The following SCARA3 variants were observed in gnomAD, a reference collection of about 807,000 sequenced individuals.
The protein encoded by SCARA3 is scavenger receptor class A member 3.
SCARA3 carries 39 observed loss-of-function variants against 47.0 expected under a neutral mutation model. That is an observed-to-expected ratio of 0.83 (90% CI 0.64 to 1.08). The LOEUF (loss-of-function observed/expected upper bound fraction) is 1.08. Among genes scored for constraint, SCARA3 ranks in the 50% least tolerant of loss-of-function variants. The pLI, the probability that SCARA3 is intolerant of heterozygous loss-of-function variation, is 0.00. For missense variants in SCARA3, 724 were observed against 792.3 expected, an observed-to-expected ratio of 0.91 and a Z score of 1.04; for synonymous variants, 356 against 334.1, an observed-to-expected ratio of 1.07 and a Z score of -0.71.
chr8:27,703,110 C>G, the SCARA3 span: 1 of 152,384 alleles, frequency 6.6e-6, no homozygotes, highest in Non-Finnish European at 1.5e-5. Context: ...ACAGCCCTGG[C>G]CCAGGGTCCA....
chr8:27,663,374 G>A lies in SCARA3; in HGVS notation c.1369+3835G>A, dbSNP rs577683647. Among the ~76,000 whole-genome samples, 5 of 152,338 alleles carry A rather than the reference G, an allele frequency of 3.3e-5. No individual in the cohort carries two copies. The South Asian group carries it at 1.0e-3, about 32-fold the overall frequency. On this transcript the variant is annotated intron_variant, in intron 5 of 5. Coordinates refer to ENST00000301904, the MANE Select transcript of SCARA3 (RefSeq NM_016240.3). The stretch of plus-strand genomic sequence containing the variant: ...ACTCCCCATGAGGCCACAGGTGCAG[G>A]CTGGGAGAGAGAAGATAGGGTAGCA...
the SCARA3 span, among the ~76,000 whole-genome samples, chr8:27,708,618 G>T: frequency 1.1e-4 from 17 of 152,146 alleles, no homozygotes; most frequent in Non-Finnish European, 2.2e-4. Flanking sequence ...GAAAAAAATC[G>T]TCTTGGTGGT....
intron 3 of SCARA3, among the ~76,000 whole-genome samples, chr8:27,654,789 C>CAAAAAAAAAAAAAAAA: frequency 1.2e-5 from 1 of 86,122 alleles, no homozygotes; most frequent in Non-Finnish European, 2.4e-5. Context: ...GACTGTCTCA[C>CAAAAAAAAAAAAAAAA]AAAAAAAAAA....
chr8:27,678,379 A>G (rs1802309588), downstream of SCARA3, among the ~76,000 whole-genome samples: 3 of 152,218 alleles, frequency 2.0e-5, no homozygotes, highest in South Asian at 4.1e-4. Context: ...AAGGATAGTA[A>G]CAGAATATTA....
chr8:27,695,840 G>GA, the SCARA3 span, among the ~76,000 whole-genome samples: 3 of 151,642 alleles, frequency 2.0e-5, no homozygotes, highest in Non-Finnish European at 4.4e-5. Context: ...AAAGAATAAA[G>GA]AAAAAATACA....
chr8:27,655,258 C>T (rs1257328269), intron 3 of SCARA3, among the ~76,000 whole-genome samples: 1 of 152,014 alleles, frequency 6.6e-6, no homozygotes, highest in Non-Finnish European at 1.5e-5. Flanking sequence ...CAAAGTCACC[C>T]AACAAATGTG....
the SCARA3 span, among the ~76,000 whole-genome samples, chr8:27,711,465 T>C: frequency 8.1e-4 from 123 of 152,330 alleles, no homozygotes; most frequent in African/African-American, 2.8e-3. Flanking sequence ...TAGTCTTCCA[T>C]AGTTCCCTGG....
At chr8:27,647,096 G>T (rs1231799489) in intron 1 of SCARA3, among the ~76,000 whole-genome samples, 1 of 151,622 alleles carries the variant, frequency 6.6e-6, no homozygotes, top group Admixed American at 6.6e-5. Context: ...CTTGAGCCAG[G>T]CATTAACAAC....
Position 27,658,878 on chromosome 8 carries a change from G to A in SCARA3, c.708G>A (p.Gly236=). ...GGCAGACTTCCGAGTGGATCCACGG[G>A]ATCCAGCGGAAGACAGACGAGGAGA... is the stretch of plus-strand genomic sequence containing the variant. The part of the protein sequence containing the change: ...TVGQTSEWIH[G]IQRKTDEETL... The change falls in exon 5 of 6, where the codon GGG becomes GGA. Residue 236 remains glycine (G), a synonymous_variant. Transcript: ENST00000301904. 1.2e-6 allele frequency: 2 copies of A among 1,614,158 alleles called. No individual in the cohort carries two copies. Among genetic ancestry groups the A allele is most frequent in the Non-Finnish European group, 1.7e-6 (2 of 1,180,032 alleles).
chr8:27,685,885 C>T, the SCARA3 span, among the ~76,000 whole-genome samples: 7 of 152,176 alleles, frequency 4.6e-5, no homozygotes, highest in South Asian at 2.1e-4. Flanking sequence ...CCCAGTCAAA[C>T]CCAGTAAAAT....
rs1585300479 is a variant in SCARA3 at position 27,671,818 on chromosome 8, C to T, written c.*467C>T. ...ATCCATGCACACAAACACATATATACACATGCACATACACAGATTTTTCTG... is the reference window on the plus strand; with the variant it reads ...ATCCATGCACACAAACACATATATATACATGCACATACACAGATTTTTCTG... On this transcript the variant is annotated 3_prime_UTR_variant, in exon 6 of 6. Transcript: ENST00000301904. The T allele has an allele frequency of 3.6e-5, 36 of 986,894 alleles. No homozygotes were observed. The highest frequency in any genetic ancestry group is 1.4e-4 in the South Asian group (3 of 21,300). The allele number at this position is 986,894 out of a possible 1,614,324, so 61.1% of individuals were successfully genotyped here.
At chr8:27,729,547 T>G in the SCARA3 span, among the ~76,000 whole-genome samples, 9 of 152,212 alleles carry the variant, frequency 5.9e-5, no homozygotes, top group South Asian at 1.9e-3. Context: ...TCCCAGCACT[T>G]TGGGAGGCCG....
the SCARA3 span, among the ~76,000 whole-genome samples, chr8:27,724,385 C>T: frequency 5.3e-5 from 8 of 152,096 alleles, no homozygotes; most frequent in African/African-American, 9.7e-5. Flanking sequence ...CAAGTGTGGC[C>T]GGGCACAGTG....
At chr8:27,664,240 T>C (rs1420172161) in intron 5 of SCARA3, among the ~76,000 whole-genome samples, 1 of 152,226 alleles carries the variant, frequency 6.6e-6, no homozygotes, top group Admixed American at 6.5e-5. Flanking sequence ...TAAATAGTTC[T>C]TATGGTTCAG....
chr8:27,703,229 G>A, the SCARA3 span: 1 of 152,520 alleles, frequency 6.6e-6, no homozygotes, highest in African/African-American at 2.4e-5. Context: ...CACATCAAGG[G>A]AGAAAGCGCA....
At chr8:27,647,937 G>A (rs560923851) in intron 1 of SCARA3, among the ~76,000 whole-genome samples, 74 of 152,300 alleles carry the variant, frequency 4.9e-4, no homozygotes, top group African/African-American at 1.5e-3. Flanking sequence ...TGGCATTTGG[G>A]CCTCAGGTAC....
chr8:27,670,391 G>A (rs1251764682), intron 5 of SCARA3, among the ~76,000 whole-genome samples: 1 of 152,188 alleles, frequency 6.6e-6, no homozygotes, highest in South Asian at 2.1e-4. Flanking sequence ...GGTGATCAGG[G>A]TGGGCTTCCT....
intron 2 of SCARA3, among the ~76,000 whole-genome samples, chr8:27,650,580 G>C (rs1394453134): frequency 6.6e-6 from 1 of 152,230 alleles, no homozygotes; most frequent in Non-Finnish European, 1.5e-5. Flanking sequence ...ATTTGGCCTG[G>C]AGTGTGATCT....
chr8:27,667,593 C>T (rs1432385099), intron 5 of SCARA3, among the ~76,000 whole-genome samples: 1 of 152,182 alleles, frequency 6.6e-6, no homozygotes. Context: ...CACGTGGCCA[C>T]CCGCTGCACC....
Sources: allele counts gnomAD v4.1 joint callset (sites outside exome capture counted in the v4.1 genomes callset), GRCh38; gene constraint gnomAD v4.1.1; transcripts MANE v1.5; gene names NCBI Gene and HGNC (gene_info 2026-07-23, HGNC 2026-07-21).